Variants in AFMID observed in about 807,000 individuals in gnomAD.
AFMID encodes the protein arylformamidase, also known as kynurenine formamidase.
In AFMID, 39 loss-of-function variants were observed where a neutral mutation model predicts 47.5. The observed-to-expected ratio is 0.82, with a 90% CI of 0.64 to 1.07. The LOEUF is 1.07. AFMID is among the 50% of genes least tolerant of loss of function. AFMID has a pLI of 0.00. For synonymous variants in AFMID, 130 were observed against 153.2 expected, an observed-to-expected ratio of 0.85 and a Z score of 1.12; for missense variants, 375 against 387.5, an observed-to-expected ratio of 0.97 and a Z score of 0.27.
In AFMID at chr17:78,187,557, G is replaced by C. The variant is rs1411561174; in HGVS notation, c.63+124G>C. 3.1e-6 allele frequency: 3 copies of C among 981,620 alleles called. No homozygotes were observed. The East Asian group carries it at 7.5e-5, about 25-fold the overall frequency. The allele number at this position is 981,620 out of a possible 1,614,324, so 60.8% of individuals were successfully genotyped here. A position where few individuals can be genotyped will look rare whatever the true frequency, so the allele number is the denominator to read the frequency against. On this transcript the variant is annotated intron_variant, in intron 1 of 10. Coordinates refer to ENST00000409257, the MANE Select transcript of AFMID (RefSeq NM_001010982.5). ...CTCCTGTGGGCATGCAGAGCGCCTAGTGCGTGCCAGGTCCCCAGTGCTTGA... is the reference window on the plus strand; with the variant it reads ...CTCCTGTGGGCATGCAGAGCGCCTACTGCGTGCCAGGTCCCCAGTGCTTGA...
intron 9 of AFMID, 35 bp from the exon 10 acceptor site, chr17:78,205,911 G>T: frequency 6.2e-7 from 1 of 1,607,866 alleles, no homozygotes; most frequent in Non-Finnish European, 8.5e-7. Flanking sequence ...CCCTCCCACT[G>T]CTCAGGCCCC....
Position 78,207,699 on chromosome 17 carries a change from A to C in AFMID, c.*762A>C, listed in dbSNP as rs1221083847. 6.6e-6 allele frequency: 1 copy of C among 152,300 alleles called. No homozygotes were observed. The highest frequency in any genetic ancestry group is 1.5e-5 in the Non-Finnish European group (1 of 68,098). 9.4% of individuals were successfully genotyped at this position (152,300 alleles called of 1,614,324 possible). A position where few individuals can be genotyped will look rare whatever the true frequency, so the allele number is the denominator to read the frequency against. On this transcript the variant is annotated 3_prime_UTR_variant, in exon 11 of 11. Coordinates refer to ENST00000409257, the MANE Select transcript of AFMID (RefSeq NM_001010982.5). Reference sequence around the variant, plus strand: ...TTGATAAATAAAGTTGTATTGGAACACGGCCCTGCTCGTTCATTTACGTAT... The same window carrying C: ...TTGATAAATAAAGTTGTATTGGAACCCGGCCCTGCTCGTTCATTTACGTAT...
Position 78,205,086 on chromosome 17 carries a change from C to A in AFMID, c.468-7C>A, listed in dbSNP as rs781599490. 1.2e-6 allele frequency: 2 copies of A among 1,607,234 alleles called. No individual in the cohort carries two copies. The highest frequency in any genetic ancestry group is 2.2e-5 in the East Asian group (1 of 44,666). On this transcript the variant is annotated splice_region_variant and splice_polypyrimidine_tract_variant and intron_variant, in intron 6 of 10. Coordinates refer to ENST00000409257, the MANE Select transcript of AFMID (RefSeq NM_001010982.5). ...CAAATCCAGCTCTCTGCTCTGACCC[C>A]TCCCAGGGGAATTTACCTGTGTGGA...
At chr17:78,197,112 A>G (rs745351745) in intron 2 of AFMID, 2 of 1,528,422 alleles carry the variant, frequency 1.3e-6, no homozygotes, top group Non-Finnish European at 8.9e-7. Context: ...GTTTTTCTTA[A>G]TCGTAGCACA....
rs553123192 is a variant in AFMID at position 78,207,164 on chromosome 17, C to T, written c.*227C>T. The T allele has an allele frequency of 7.6e-5, 45 of 595,786 alleles. No homozygotes were observed. The highest frequency in any genetic ancestry group is 4.4e-4 in the Middle Eastern group (1 of 2,268). The allele number at this position is 595,786 out of a possible 1,614,324, so 36.9% of individuals were successfully genotyped here. ...TGGAGCTCCAGGGCTGGGGAACGTC[C>T]GCAAGTCAATGCTCAGAGATGCCCG... On this transcript the variant is annotated 3_prime_UTR_variant, in exon 11 of 11. Coordinates refer to ENST00000409257, the MANE Select transcript of AFMID (RefSeq NM_001010982.5).
rs187906378 is a variant in AFMID at position 78,187,688 on chromosome 17, C to T, written c.63+255C>T. The stretch of plus-strand genomic sequence containing the variant: ...TGCTAATAATATCCGTAGACCCTGC[C>T]AGGCGTGGCGGCTCACACCTGTAAT... On this transcript the variant is annotated intron_variant, in intron 1 of 10. Transcript: ENST00000409257. 4.0e-4 allele frequency among the ~76,000 whole-genome samples: 61 copies of T among 152,152 alleles called. 1 individual carries two copies. The East Asian group carries it at 0.011, about 28-fold the overall frequency.
rs192383049 is a variant in AFMID, at chr17:78,187,797, C to T, written c.63+364C>T. On this transcript the variant is annotated intron_variant, in intron 1 of 10. Coordinates refer to ENST00000409257, the MANE Select transcript of AFMID (RefSeq NM_001010982.5). ...TGAAACCCCGTTTCTACTAAAAATA[C>T]AAAAATTAGCCGGGCGTGGTGATGT... 4.3e-3 allele frequency among the ~76,000 whole-genome samples: 657 copies of T among 151,748 alleles called. 3 individuals are homozygous for T. Among genetic ancestry groups the T allele is most frequent in the African/African-American group, 0.015 (605 of 41,392 alleles).
chr17:78,190,950 C>A lies in AFMID; in HGVS notation c.64-20C>A. Reference sequence around the variant, plus strand: ...GTTGAGAAGGAAAGTCTTACGGAGCCTCATGTTTGTGCCCTGCAGGAGCTG... The same window carrying A: ...GTTGAGAAGGAAAGTCTTACGGAGCATCATGTTTGTGCCCTGCAGGAGCTG... On this transcript the variant is annotated intron_variant, in intron 1 of 10. Coordinates refer to ENST00000409257, the MANE Select transcript of AFMID (RefSeq NM_001010982.5). The A allele has an allele frequency of 6.2e-7, 1 of 1,611,268 alleles. No individual in the cohort carries two copies.
At position 78,205,748 on chromosome 17, in the gene AFMID, G is replaced by C. The variant is rs2076363333; in HGVS notation, c.780+10G>C. On this transcript the variant is annotated intron_variant, in intron 9 of 10. Coordinates refer to ENST00000409257, the MANE Select transcript of AFMID (RefSeq NM_001010982.5). The stretch of plus-strand genomic sequence containing the variant: ...CTGGGAGTTTTACCAGGTACTCCCA[G>C]TGCAGGTTTGTGGCCAGAGGTCGAG... The C allele has an allele frequency of 6.2e-7, 1 of 1,607,704 alleles. No homozygotes were observed. The highest frequency in any genetic ancestry group is 1.3e-5 in the African/African-American group (1 of 74,918).
chr17:78,201,974 C>T (rs945329369), intron 2 of AFMID, among the ~76,000 whole-genome samples: 3 of 151,752 alleles, frequency 2.0e-5, no homozygotes, highest in Admixed American at 1.3e-4. Context: ...TCGTGATCCA[C>T]CCGCCTCGGC....
chr17:78,199,486 T>TTCC (rs1202236118), intron 2 of AFMID, among the ~76,000 whole-genome samples: 1 of 151,918 alleles, frequency 6.6e-6, no homozygotes, highest in African/African-American at 2.4e-5. Flanking sequence ...GCAATTCTCC[T>TTCC]TCCTCAGCCT....
intron 10 of AFMID, among the ~76,000 whole-genome samples, chr17:78,206,603 C>T (rs1036304295): frequency 2.0e-5 from 3 of 151,800 alleles, no homozygotes; most frequent in African/African-American, 7.3e-5. Context: ...GATGGGGTCT[C>T]TCTATGTTCC....
At chr17:78,201,800 A>G (rs547015600) in intron 2 of AFMID, among the ~76,000 whole-genome samples, 251 of 151,508 alleles carry the variant, frequency 1.7e-3, no homozygotes, top group East Asian at 9.5e-3. Flanking sequence ...GCGTGATCTC[A>G]GCTCACTGCA....
At chr17:78,190,936 A>G in intron 1 of AFMID, 34 bp from the exon 2 acceptor site, 2 of 1,600,652 alleles carry the variant, frequency 1.2e-6, no homozygotes, top group Non-Finnish European at 8.5e-7. Flanking sequence ...TTGAGAAGGA[A>G]AGTCTTACGG....
In AFMID at chr17:78,199,665, G is replaced by T. The variant is rs112959912; in HGVS notation, c.155-2834G>T. 2.1e-4 allele frequency among the ~76,000 whole-genome samples: 27 copies of T among 125,588 alleles called. 1 individual carries two copies. Among genetic ancestry groups the T allele is most frequent in the Non-Finnish European group, 3.3e-4 (21 of 64,236 alleles). The allele number at this position is 125,588 out of a possible 152,430, so 82.4% of individuals were successfully genotyped here. ...TGGGATTGCAGGTGTGCGCCGCCGC[G>T]CCCGGCCAGGCTTTTTTTTCTCTAG... On this transcript the variant is annotated intron_variant, in intron 2 of 10. Transcript: ENST00000409257.
intron 2 of AFMID, among the ~76,000 whole-genome samples, chr17:78,196,227 T>C (rs1386061323): frequency 6.6e-6 from 1 of 151,778 alleles, no homozygotes; most frequent in East Asian, 1.9e-4. Context: ...TAGCCAGGCA[T>C]GGTGGCGTGC....
At chr17:78,196,732 C>T (rs2076125086) in intron 2 of AFMID, among the ~76,000 whole-genome samples, 1 of 152,066 alleles carries the variant, frequency 6.6e-6, no homozygotes, top group East Asian at 1.9e-4. Context: ...AAAACAGGTA[C>T]TCAAACAAGC....
In AFMID at chr17:78,204,751, G is replaced by A; in HGVS notation, c.394+10G>A. 2 of 1,614,220 alleles carry A rather than the reference G, an allele frequency of 1.2e-6. No individual in the cohort carries two copies. ...GGCATCGCCCCCAAAGGTAATAGGAGTGGTTGCTGCAGGTCCGAGGGCCGG... is the reference window on the plus strand; with the variant it reads ...GGCATCGCCCCCAAAGGTAATAGGAATGGTTGCTGCAGGTCCGAGGGCCGG... On this transcript the variant is annotated intron_variant, in intron 5 of 10. Coordinates refer to ENST00000409257, the MANE Select transcript of AFMID (RefSeq NM_001010982.5).
intron 2 of AFMID, among the ~76,000 whole-genome samples, chr17:78,197,724 G>C (rs957032105): frequency 2.6e-5 from 4 of 151,998 alleles, no homozygotes; most frequent in African/African-American, 9.7e-5. Flanking sequence ...ACAGGTCAAA[G>C]GGTATCCAAC....
Sources: gnomAD v4.1 joint callset for allele counts (sites outside exome capture counted in the v4.1 genomes callset) on GRCh38, gnomAD v4.1.1 for gene constraint, MANE v1.5 for transcripts, NCBI Gene and HGNC (gene_info 2026-07-23, HGNC 2026-07-21) for gene names.